TRHDE: variants seen among roughly 807,000 people sequenced by gnomAD.
TRHDE encodes thyrotropin releasing hormone degrading enzyme.
A neutral mutation model predicts 125.7 loss-of-function variants in TRHDE; 72 were observed. That is an observed-to-expected ratio of 0.57 (90% CI 0.47 to 0.70). The LOEUF is 0.70. TRHDE is among the 30% of genes least tolerant of loss of function. The probability of loss-of-function intolerance (pLI) is 0.00; values close to 1 mark genes in which losing one functional copy is unlikely to be tolerated. For synonymous variants in TRHDE, 509 were observed against 509.1 expected (o/e 1.00, Z 0.00); for missense variants, 1,110 against 1,327.1 (o/e 0.84, Z 2.54).
intron 3 of TRHDE, among the ~76,000 whole-genome samples, chr12:72,392,250 T>C (rs1219728745): frequency 6.6e-6 from 1 of 152,212 alleles, no homozygotes; most frequent in Non-Finnish European, 1.5e-5. Flanking sequence ...TATGTAAGGC[T>C]TGGATCATTT....
intron 1 of TRHDE, among the ~76,000 whole-genome samples, chr12:72,100,017 G>GT (rs1188643293): frequency 6.6e-5 from 10 of 151,944 alleles, no homozygotes; most frequent in South Asian, 6.3e-4. Context: ...CCTTTACAAT[G>GT]TTTTTTTTCT....
chr12:72,485,542 G>C (rs536926595), intron 5 of TRHDE, among the ~76,000 whole-genome samples: 35 of 152,096 alleles, frequency 2.3e-4, no homozygotes, highest in Non-Finnish European at 4.0e-4. Context: ...CCACAGCTGA[G>C]GGACATCAGG....
chr12:72,386,532 C>G (rs1351045811), intron 3 of TRHDE, among the ~76,000 whole-genome samples: 1 of 151,916 alleles, frequency 6.6e-6, no homozygotes, highest in Non-Finnish European at 1.5e-5. Flanking sequence ...TGAATTTTTC[C>G]CTATCAGCAT....
intron 2 of TRHDE, chr12:72,186,593 AT>A (rs1877219009): frequency 5.8e-6 from 1 of 171,400 alleles, no homozygotes; most frequent in Non-Finnish European, 1.2e-5. Context: ...GAACCCACCA[AT>A]TCCGGACACA....
At chr12:72,430,332 TAC>T (rs1164731566) in intron 3 of TRHDE, among the ~76,000 whole-genome samples, 1 of 145,564 alleles carries the variant, frequency 6.9e-6, no homozygotes, top group Admixed American at 7.0e-5. Flanking sequence ...TATACATATA[TAC>T]ATGTATATAT....
rs1592469224 is a variant in TRHDE at position 72,470,416 on chromosome 12, A to G, written c.1470+504A>G. 4.6e-5 allele frequency among the ~76,000 whole-genome samples: 7 copies of G among 152,288 alleles called. No homozygotes were observed. In the South Asian group the frequency reaches 1.5e-3, roughly 32 times the overall value. ...TAGACTCTTTGTTCTCAAATGATTG[A>G]TATTTTTTGTCTTGGCATGTTTAGA... On this transcript the variant is annotated intron_variant, in intron 4 of 18. Transcript: ENST00000261180.
chr12:72,170,438 T>C (rs528279518), intron 2 of TRHDE, among the ~76,000 whole-genome samples: 1 of 152,278 alleles, frequency 6.6e-6, no homozygotes, highest in East Asian at 1.9e-4. Context: ...TCAGCTGATG[T>C]GGGAACAGCT....
chr12:72,409,345 A>G (rs1231840850), intron 3 of TRHDE, among the ~76,000 whole-genome samples: 1 of 152,220 alleles, frequency 6.6e-6, no homozygotes, highest in Non-Finnish European at 1.5e-5. Flanking sequence ...GAGTTTTTCA[A>G]CAACAGGTAC....
intron 2 of TRHDE, among the ~76,000 whole-genome samples, chr12:72,240,303 TTTTATATA>T (rs1422607761): frequency 1.2e-4 from 13 of 109,468 alleles, no homozygotes; most frequent in Non-Finnish European, 1.6e-4. Context: ...CCTTCTCACA[TTTTATATA>T]TATATATATA....
At chr12:72,146,564 G>GA (rs1410952037) in intron 2 of TRHDE, among the ~76,000 whole-genome samples, 9 of 152,196 alleles carry the variant, frequency 5.9e-5, no homozygotes, top group African/African-American at 2.2e-4. Flanking sequence ...TTTGGTCAAT[G>GA]AAAAAGCGTT....
At chr12:72,469,244 T>C (rs997706910) in intron 3 of TRHDE, among the ~76,000 whole-genome samples, 5 of 152,210 alleles carry the variant, frequency 3.3e-5, no homozygotes, top group Admixed American at 6.5e-5. Flanking sequence ...CCCTGTAAGA[T>C]ATATTTCATG....
chr12:72,625,473 T>C (rs1315150976), intron 15 of TRHDE, among the ~76,000 whole-genome samples: 1 of 151,760 alleles, frequency 6.6e-6, no homozygotes, highest in Admixed American at 6.6e-5. Flanking sequence ...AAAAAAAAAG[T>C]CAATTCTATA....
chr12:72,407,062 G>A (rs1211400635), intron 3 of TRHDE, among the ~76,000 whole-genome samples: 1 of 152,260 alleles, frequency 6.6e-6, no homozygotes, highest in East Asian at 1.9e-4. Flanking sequence ...ATCAGATTTG[G>A]GAGGATGAGT....
intron 2 of TRHDE, among the ~76,000 whole-genome samples, chr12:72,107,492 A>G (rs1875214600): frequency 6.6e-6 from 1 of 152,128 alleles, no homozygotes; most frequent in South Asian, 2.1e-4. Context: ...CTGTGACTTC[A>G]TCTGCTGGAT....
At chr12:72,256,365 T>C (rs1041636845) in intron 2 of TRHDE, 29 of 152,250 alleles carry the variant, frequency 1.9e-4, no homozygotes, top group African/African-American at 7.0e-4. Flanking sequence ...TGTTGTTCCC[T>C]CTTCCCCAGA....
intron 3 of TRHDE, among the ~76,000 whole-genome samples, chr12:72,398,727 C>T (rs554228266): frequency 4.6e-5 from 7 of 152,100 alleles, no homozygotes; most frequent in Non-Finnish European, 8.8e-5. Context: ...TTTGGGGTCC[C>T]TATGAAGACA....
intron 2 of TRHDE, among the ~76,000 whole-genome samples, chr12:72,134,360 A>G (rs1467910551): frequency 6.6e-6 from 1 of 152,142 alleles, no homozygotes; most frequent in Non-Finnish European, 1.5e-5. Context: ...AAGGGATTAC[A>G]GAAGAAAACG....
At chr12:72,582,164 T>C (rs1871265676) in intron 12 of TRHDE, 2 of 583,986 alleles carry the variant, frequency 3.4e-6, no homozygotes, top group Admixed American at 6.6e-5. Flanking sequence ...CAGTAGTGCA[T>C]AATATATGTT....
chr12:72,622,877 TG>T (rs1331332511), intron 15 of TRHDE, among the ~76,000 whole-genome samples: 3 of 152,012 alleles, frequency 2.0e-5, no homozygotes, highest in Admixed American at 2.0e-4. Flanking sequence ...CTAAATTAAT[TG>T]TTTCTGGTCT....
Sources: allele counts gnomAD v4.1 joint callset (sites outside exome capture counted in the v4.1 genomes callset), GRCh38; gene constraint gnomAD v4.1.1; transcripts MANE v1.5; gene names NCBI Gene and HGNC (gene_info 2026-07-23, HGNC 2026-07-21).